The following FHIP1A variants were observed in gnomAD, a reference collection of about 807,000 sequenced individuals.
FHIP1A encodes the protein FHF complex subunit HOOK-interacting protein 1A.
A neutral mutation model predicts 88.6 loss-of-function variants in FHIP1A; 61 were observed. The ratio of observed to expected loss-of-function variants is 0.69; its 90% confidence interval spans 0.56 to 0.85. The LOEUF is 0.85. Among genes scored for constraint, FHIP1A ranks in the 40% least tolerant of loss-of-function variants. The pLI is 0.00. For missense variants in FHIP1A, 1,154 were observed against 1,273.5 expected (o/e 0.91, Z 1.43); for synonymous variants, 478 against 496.0 (o/e 0.96, Z 0.48).
chr4:151,561,247 T>C (rs1578754398), intron 3 of FHIP1A, among the ~76,000 whole-genome samples: 1 of 152,214 alleles, frequency 6.6e-6, no homozygotes, highest in Non-Finnish European at 1.5e-5. Context: ...TGAAATAAGA[T>C]TCTGATTTAC....
chr4:151,562,568 C>T lies in FHIP1A; in HGVS notation c.-122-3570C>T, dbSNP rs573492112. Among the ~76,000 whole-genome samples the T allele has an allele frequency of 5.9e-5, 9 of 152,250 alleles. No homozygotes were observed. In the South Asian group the frequency reaches 1.9e-3, roughly 32 times the overall value. On this transcript the variant is annotated intron_variant, in intron 3 of 13. Transcript: ENST00000435205. ...CTGGCTCCGTCTCCCCTTAAGGTGG[C>T]CATTCCATTTCTTTCCCTTAAGAAT...
At chr4:151,588,719 A>G (rs1185761144) in intron 6 of FHIP1A, 121 bp from the exon 7 acceptor site, 2 of 729,716 alleles carry the variant, frequency 2.7e-6, no homozygotes, top group Non-Finnish European at 4.9e-6. Context: ...CTTTAATCAC[A>G]GAATAAATGG....
intron 1 of FHIP1A, among the ~76,000 whole-genome samples, chr4:151,447,362 TG>T (rs2126573135): frequency 6.6e-6 from 1 of 152,300 alleles, no homozygotes; most frequent in South Asian, 2.1e-4. Context: ...AAGGCTTACG[TG>T]TTCTTAGAGT....
chr4:151,637,563 A>G (rs1189975379), intron 8 of FHIP1A, among the ~76,000 whole-genome samples: 1 of 152,142 alleles, frequency 6.6e-6, no homozygotes, highest in Non-Finnish European at 1.5e-5. Context: ...TTACTGTGGC[A>G]ATGGATAAGA....
intron 3 of FHIP1A, among the ~76,000 whole-genome samples, chr4:151,530,502 A>T (rs1731833886): frequency 6.6e-6 from 1 of 152,156 alleles, no homozygotes; most frequent in Admixed American, 6.5e-5. Context: ...TTCAAATTTT[A>T]CCAGTCTTGG....
chr4:151,512,298 C>G (rs1402322014), intron 3 of FHIP1A, among the ~76,000 whole-genome samples: 2 of 152,154 alleles, frequency 1.3e-5, no homozygotes, highest in African/African-American at 4.8e-5. Flanking sequence ...ACATCACCAT[C>G]ATCAAAGACC....
chr4:151,607,954 C>T (rs781593118), intron 7 of FHIP1A, among the ~76,000 whole-genome samples: 3 of 151,154 alleles, frequency 2.0e-5, no homozygotes, highest in Admixed American at 6.6e-5. Flanking sequence ...GCTTGTTGCT[C>T]CTTAACATAC....
intron 2 of FHIP1A, among the ~76,000 whole-genome samples, chr4:151,469,638 T>C (rs569203542): frequency 3.9e-4 from 60 of 152,350 alleles, no homozygotes; most frequent in African/African-American, 1.3e-3. Context: ...GACTGTTTAC[T>C]GGCACATTAA....
intron 7 of FHIP1A, among the ~76,000 whole-genome samples, chr4:151,623,543 C>T (rs72730105): frequency 0.38 from 25,606 of 67,326 alleles, 2,759 homozygotes; most frequent in Non-Finnish European, 0.44. Flanking sequence ...TTTTTTTTTT[C>T]GCCTCAATTT....
intron 3 of FHIP1A, among the ~76,000 whole-genome samples, chr4:151,501,122 C>T (rs1167888139): frequency 2.0e-5 from 3 of 152,122 alleles, no homozygotes; most frequent in South Asian, 2.1e-4. Context: ...AATATAAACA[C>T]CCACATTTAG....
rs546643206 is a variant in FHIP1A at position 151,516,037 on chromosome 4, C to G, written c.-123+33389C>G. 8.0e-4 allele frequency among the ~76,000 whole-genome samples: 122 copies of G among 152,286 alleles called. 1 individual carries two copies. Among genetic ancestry groups the G allele is most frequent in the African/African-American group, 2.7e-3 (111 of 41,558 alleles). On this transcript the variant is annotated intron_variant, in intron 3 of 13. Coordinates refer to ENST00000435205, the MANE Select transcript of FHIP1A (RefSeq NM_001109977.3). ...AACAAAGCTGGAGGCATCACACTAC[C>G]TGACTTCAAACTATACTACAAGGCT...
chr4:151,526,214 C>G (rs1048517390), intron 3 of FHIP1A, among the ~76,000 whole-genome samples: 4 of 152,236 alleles, frequency 2.6e-5, no homozygotes, highest in Non-Finnish European at 5.9e-5. Context: ...ACCCTTCCCC[C>G]CTTTCTATTC....
intron 3 of FHIP1A, among the ~76,000 whole-genome samples, chr4:151,514,639 T>A (rs4696093): frequency 0.52 from 78,881 of 151,842 alleles, 20,799 homozygotes; most frequent in African/African-American, 0.55. Context: ...CCGATCCCAC[T>A]GAAATACAAA....
chr4:151,476,931 A>G (rs1412641454), intron 2 of FHIP1A, among the ~76,000 whole-genome samples: 1 of 152,160 alleles, frequency 6.6e-6, no homozygotes, highest in African/African-American at 2.4e-5. Context: ...TTAGGAAAAT[A>G]ATATGGATGC....
At chr4:151,466,121 A>G (rs980548601) in intron 2 of FHIP1A, among the ~76,000 whole-genome samples, 1 of 152,222 alleles carries the variant, frequency 6.6e-6, no homozygotes, top group Non-Finnish European at 1.5e-5. Flanking sequence ...CTGGTAAGCA[A>G]CTTCAGCAGA....
At chr4:151,434,547 C>G (rs1192444123) in intron 1 of FHIP1A, among the ~76,000 whole-genome samples, 1 of 152,138 alleles carries the variant, frequency 6.6e-6, no homozygotes, top group East Asian at 1.9e-4. Context: ...CACATTGACT[C>G]CAGTTAACTC....
At chr4:151,420,898 C>T (rs185189128) in intron 1 of FHIP1A, among the ~76,000 whole-genome samples, 1 of 152,372 alleles carries the variant, frequency 6.6e-6, no homozygotes, top group East Asian at 1.9e-4. Context: ...ACCCAGAGCT[C>T]TCTCAATGCA....
At chr4:151,448,844 A>G (rs1728696468) in intron 1 of FHIP1A, among the ~76,000 whole-genome samples, 1 of 152,122 alleles carries the variant, frequency 6.6e-6, no homozygotes, top group Non-Finnish European at 1.5e-5. Flanking sequence ...GCTGGATCAT[A>G]TGGAAGTTTT....
chr4:151,614,787 C>CT (rs745898645), intron 7 of FHIP1A, among the ~76,000 whole-genome samples: 2 of 152,178 alleles, frequency 1.3e-5, no homozygotes, highest in African/African-American at 2.4e-5. Flanking sequence ...TAATGCTTCT[C>CT]TGAGTGGCAG....
Sources: allele counts gnomAD v4.1 joint callset (sites outside exome capture counted in the v4.1 genomes callset), GRCh38; gene constraint gnomAD v4.1.1; transcripts MANE v1.5; gene names NCBI Gene and HGNC (gene_info 2026-07-23, HGNC 2026-07-21).